The following STAT5B variants were observed in gnomAD, a reference collection of about 807,000 sequenced individuals.
STAT5B encodes signal transducer and activator of transcription 5B.
A neutral mutation model predicts 107.8 loss-of-function variants in STAT5B; 21 were observed. That is an observed-to-expected ratio of 0.19 (90% confidence interval 0.14 to 0.28). The LOEUF (loss-of-function observed/expected upper bound fraction) is 0.28, where lower values mean the gene tolerates loss of function less well. Among genes scored for constraint, STAT5B ranks in the 10% least tolerant of loss-of-function variants. STAT5B has a pLI of 1.00. For synonymous variants in STAT5B, 325 were observed against 401.7 expected (o/e 0.81, Z 2.28); for missense variants, 565 against 1,008.2 (o/e 0.56, Z 5.95).
upstream of STAT5B, among the ~76,000 whole-genome samples, chr17:42,280,994 C>T (rs1240620047): frequency 1.3e-5 from 2 of 151,912 alleles, no homozygotes; most frequent in Non-Finnish European, 2.9e-5. Context: ...ATTAGCCGGG[C>T]GTGGTGGCGG....
the STAT5B span, chr17:42,288,210 G>C: frequency 6.6e-6 from 1 of 152,308 alleles, no homozygotes; most frequent in African/African-American, 2.4e-5. The surrounding 1 kb of genome is among the most constrained non-coding windows in gnomAD (Gnocchi z 4.8). Context: ...CATTCCCCCG[G>C]CTATTCTGAC....
At chr17:42,209,581 G>A (rs1051962553) in intron 15 of STAT5B, among the ~76,000 whole-genome samples, 6 of 152,146 alleles carry the variant, frequency 3.9e-5, no homozygotes, top group East Asian at 3.9e-4. Flanking sequence ...GGTGGTGCAC[G>A]TCTGTGGTCC....
At chr17:42,246,124 A>T (rs1020335102) in intron 1 of STAT5B, among the ~76,000 whole-genome samples, 1 of 152,238 alleles carries the variant, frequency 6.6e-6, no homozygotes, top group South Asian at 2.1e-4. Flanking sequence ...TTTTGATTAA[A>T]TTGTGTTTAA....
intron 2 of STAT5B, among the ~76,000 whole-genome samples, chr17:42,229,059 T>A (rs958903556): frequency 4.6e-5 from 7 of 152,208 alleles, no homozygotes; most frequent in African/African-American, 1.4e-4. Context: ...GCCCTATGTA[T>A]TAAATAGAAT....
At chr17:42,225,256 T>C (rs530872621) in intron 3 of STAT5B, among the ~76,000 whole-genome samples, 1 of 152,258 alleles carries the variant, frequency 6.6e-6, no homozygotes, top group African/African-American at 2.4e-5. Context: ...GGTTCCACCA[T>C]GTTGGCCAGG....
At chr17:42,255,525 T>C (rs572592404) in intron 1 of STAT5B, among the ~76,000 whole-genome samples, 1 of 152,122 alleles carries the variant, frequency 6.6e-6, no homozygotes, top group Non-Finnish European at 1.5e-5. Context: ...ACCAAAAGAA[T>C]TATGTTGCAA....
intron 16 of STAT5B, among the ~76,000 whole-genome samples, chr17:42,205,955 TC>T (rs1268303714): frequency 6.6e-6 from 1 of 152,022 alleles, no homozygotes; most frequent in Non-Finnish European, 1.5e-5. Flanking sequence ...AGAGAAACCC[TC>T]CTTGACCACT....
chr17:42,266,639 T>G (rs1036070095), intron 1 of STAT5B, among the ~76,000 whole-genome samples: 2 of 151,266 alleles, frequency 1.3e-5, no homozygotes, highest in African/African-American at 4.9e-5. Flanking sequence ...CTGTGGAAGG[T>G]TGAGGTGGGA....
At position 42,201,426 on chromosome 17, in the gene STAT5B, G is replaced by C; in HGVS notation, c.*312C>G. 1.7e-6 allele frequency: 1 copy of C among 595,934 alleles called. No homozygotes were observed. Among genetic ancestry groups the C allele is most frequent in the Non-Finnish European group, 3.0e-6 (1 of 334,392 alleles). 36.9% of individuals were successfully genotyped at this position (595,934 alleles called of 1,614,324 possible). On this transcript the variant is annotated 3_prime_UTR_variant, in exon 19 of 19. Coordinates refer to ENST00000293328, the MANE Select transcript of STAT5B (RefSeq NM_012448.4). ...GCTTCACGAAACTCACTGCCTTTTTGCACAAAGTAAAAACCACCACAGCTT... is the reference window on the plus strand; with the variant it reads ...GCTTCACGAAACTCACTGCCTTTTTCCACAAAGTAAAAACCACCACAGCTT...
At chr17:42,225,866 C>G (rs1287114030) in intron 3 of STAT5B, among the ~76,000 whole-genome samples, 1 of 152,152 alleles carries the variant, frequency 6.6e-6, no homozygotes, top group African/African-American at 2.4e-5. Context: ...TTAACGTAAT[C>G]ATGAGGAAAC....
At chr17:42,234,183 G>A (rs915017681) in intron 1 of STAT5B, 1 of 152,202 alleles carries the variant, frequency 6.6e-6, no homozygotes, top group Non-Finnish European at 1.5e-5. Flanking sequence ...AATCTCTTCT[G>A]TTAGTTGTAG....
upstream of STAT5B, among the ~76,000 whole-genome samples, chr17:42,281,006 C>T (rs185967490): frequency 1.3e-5 from 2 of 152,000 alleles, no homozygotes; most frequent in South Asian, 4.2e-4. Flanking sequence ...TGGTGGCGGG[C>T]GCCTGTAGTC....
At chr17:42,274,993 C>T (rs569822078) in intron 1 of STAT5B, 1 of 152,350 alleles carries the variant, frequency 6.6e-6, no homozygotes, top group East Asian at 1.9e-4. Flanking sequence ...TTTCAAAGGG[C>T]ATTCCCTGAG....
At chr17:42,216,165 C>CT (rs56888729) in intron 11 of STAT5B, 59 bp from the exon 12 acceptor site, 57,666 of 1,042,296 alleles carry the variant, frequency 0.055, no homozygotes, top group Non-Finnish European at 0.061. Context: ...CTCCTTCTCT[C>CT]TTTTTTTTTT....
chr17:42,270,287 A>G (rs533910895), intron 1 of STAT5B, among the ~76,000 whole-genome samples: 1 of 152,196 alleles, frequency 6.6e-6, no homozygotes, highest in Non-Finnish European at 1.5e-5. Flanking sequence ...ATGCTCTAAA[A>G]AGCTTTAATG....
At chr17:42,260,962 G>T (rs1307041163) in intron 1 of STAT5B, among the ~76,000 whole-genome samples, 2 of 150,910 alleles carry the variant, frequency 1.3e-5, no homozygotes, top group Non-Finnish European at 2.9e-5. Context: ...TGTCGCCGAG[G>T]CTGAAGTGCA....
In STAT5B at chr17:42,262,789, CAT is replaced by C. The variant is rs1218806822; in HGVS notation, c.-11+13457_-11+13458del. 4.4e-3 allele frequency among the ~76,000 whole-genome samples: 511 copies of C among 116,338 alleles called. 5 individuals carry two copies. Among genetic ancestry groups the C allele is most frequent in the African/African-American group, 0.016 (443 of 28,404 alleles). 76.3% of individuals were successfully genotyped at this position (116,338 alleles called of 152,430 possible). On this transcript the variant is annotated intron_variant, in intron 1 of 18. Transcript: ENST00000293328. ...ATATACATATATGTATATATATACACATATATATGTGTGTATATATACACACA... is the reference window on the plus strand; with the variant it reads ...ATATACATATATGTATATATATACACATATATGTGTGTATATATACACACA...
intron 1 of STAT5B, among the ~76,000 whole-genome samples, chr17:42,242,138 G>A (rs2080408818): frequency 6.6e-6 from 1 of 152,082 alleles, no homozygotes; most frequent in Admixed American, 6.6e-5. Flanking sequence ...AATGGAGGAG[G>A]GGAAAAGGGT....
intron 8 of STAT5B, among the ~76,000 whole-genome samples, 192 bp from the exon 9 acceptor site, chr17:42,218,522 A>G (rs1382942044): frequency 6.6e-6 from 1 of 152,140 alleles, no homozygotes; most frequent in African/African-American, 2.4e-5. Flanking sequence ...ATAACACAGA[A>G]GCTGGCATGG....
Sources: gnomAD v4.1 joint callset for allele counts (sites outside exome capture counted in the v4.1 genomes callset) on GRCh38, gnomAD v4.1.1 for gene constraint, Gnocchi (gnomAD v3.1) non-coding constraint, MANE v1.5 for transcripts, NCBI Gene and HGNC (gene_info 2026-07-23, HGNC 2026-07-21) for gene names.